Variants in TTN observed in about 807,000 individuals in gnomAD.
The protein encoded by TTN is connectin.
Under a neutral mutation model 3,223.0 loss-of-function variants are expected in TTN, and 1,525 were observed. That is an observed-to-expected ratio of 0.47 (90% CI 0.45 to 0.49). The LOEUF (loss-of-function observed/expected upper bound fraction) is 0.49, where lower values mean the gene tolerates loss of function less well. Ranked by LOEUF, TTN falls within the 20% of genes least tolerant of loss-of-function variation. The pLI, the probability that TTN is intolerant of heterozygous loss-of-function variation, is 0.00. For synonymous variants in TTN, 14,094 were observed against 15,161.0 expected (o/e 0.93, Z 5.17); for missense variants, 40,786 against 43,424.0 (o/e 0.94, Z 5.40).
Position 178,720,487 on chromosome 2 carries a change from G to T in TTN, c.23275C>A (p.Leu7759Ile). The change falls in exon 80 of 363, where the codon CTT (leucine) becomes ATT (isoleucine). Residue 7759 changes from leucine to isoleucine, a missense_variant. Transcript: ENST00000589042. ...GAGGCTTCAAGATTAAGGATATGAA[G>T]ACTTGTATCAAAATGTTTTGAAGTG... Reference protein sequence around the residue: ...KITSKHFDTSLHILNLEASDV... With the variant: ...KITSKHFDTSIHILNLEASDV... 3 of 1,613,680 alleles carry T rather than the reference G, an allele frequency of 1.9e-6. No individual in the cohort carries two copies. The highest frequency in any genetic ancestry group is 1.1e-5 in the South Asian group (1 of 91,070).
rs727503577 is a variant in TTN, at chr2:178,580,183, T to G, written c.67104A>C (p.Lys22368Asn). The change falls in exon 318 of 363, where the codon AAA (lysine) becomes AAC (asparagine). Residue 22368 changes from lysine (K) to asparagine (N), a missense_variant. Lys to Asn is a moderately conservative substitution (Grantham distance 94, BLOSUM62 0). Coordinates refer to ENST00000589042, the MANE Select transcript of TTN (RefSeq NM_001267550.2). ...PVNVTVKEIS[K>N]DSAYVTWEPP... is the part of the protein sequence containing the mutation. ...GCTCCCAGGTAACATAAGCAGAGTC[T>G]TTGGATATTTCCTTAACAGTCACAT... 3.4e-5 allele frequency: 55 copies of G among 1,613,072 alleles called. No homozygotes were observed. The highest frequency in any genetic ancestry group is 1.6e-4 in the Middle Eastern group (1 of 6,068).
In TTN at chr2:178,614,288, A is replaced by G; in HGVS notation, c.49109T>C (p.Leu16370Pro). ...ATCATCGCGTGGTGGGTTCCATGTTAGAAGACATGACTCATTGGTTACATC... is the reference window on the plus strand; with the variant it reads ...ATCATCGCGTGGTGGGTTCCATGTTGGAAGACATGACTCATTGGTTACATC... The part of the protein sequence containing the change: ...ITDVTNESCL[L>P]TWNPPRDDGG... The change falls in exon 262 of 363, where the codon CTA becomes CCA. Residue 16370 changes from leucine to proline, a missense_variant. Leu to Pro is a moderately conservative substitution (Grantham distance 98). Transcript: ENST00000589042. 6.2e-7 allele frequency: 1 copy of G among 1,612,766 alleles called. No homozygotes were observed. The highest frequency in any genetic ancestry group is 2.2e-5 in the East Asian group (1 of 44,648).
chr2:178,561,356 G>C lies in TTN; in HGVS notation c.84776C>G (p.Pro28259Arg). 1.2e-6 allele frequency: 2 copies of C among 1,613,794 alleles called. No homozygotes were observed. Among genetic ancestry groups the C allele is most frequent in the Non-Finnish European group, 1.7e-6 (2 of 1,179,794 alleles). ...TTTTCTTGTGATATTTGTGACTTCA[G>C]GTTGTCCAGGAGGGTCACAAGGATC... Reference protein sequence around the residue: ...ARDPCDPPGQPEVTNITRKSV... With the variant: ...ARDPCDPPGQREVTNITRKSV... The change falls in exon 326 of 363, where the codon CCT becomes CGT. Residue 28259 changes from proline to arginine, a missense_variant. Coordinates refer to ENST00000589042, the MANE Select transcript of TTN (RefSeq NM_001267550.2).
intron 41 of TTN, among the ~76,000 whole-genome samples, chr2:178,766,031 T>TA (rs2090336162): frequency 1.3e-5 from 2 of 152,134 alleles, no homozygotes; most frequent in African/African-American, 4.8e-5. Context: ...GTAGTGCTGC[T>TA]AGGACTTGAG....
intron 265 of TTN, 55 bp from the exon 266 acceptor site, chr2:178,612,631 A>T (rs2056551702): frequency 6.4e-7 from 1 of 1,558,888 alleles, no homozygotes; most frequent in Non-Finnish European, 8.6e-7. Flanking sequence ...CCCAATAGTC[A>T]GTCTGAAAGT....
chr2:178,721,453 G>T (rs886814056), intron 78 of TTN, among the ~76,000 whole-genome samples: 11 of 151,286 alleles, frequency 7.3e-5, no homozygotes, highest in East Asian at 1.9e-4. Context: ...TTTTAATAGA[G>T]AATTTAGTTG....
In TTN at chr2:178,677,233, G is replaced by A; in HGVS notation, c.34346C>T (p.Pro11449Leu). Residue 11449 changes from proline (P) to leucine (L), a missense_variant, in exon 147 of 363, where the codon CCT becomes CTT. By Grantham distance (98) the Pro-to-Leu change is moderately conservative. Transcript: ENST00000589042. ...TGGTGGTGGAGGTTCCACTTTTTTA[G>A]GGGCGGGAACAGGGACTTTCTTCTC... ...VPEKKVPVPA[P>L]KKVEPPPPPK... The A allele has an allele frequency of 8.2e-7, 1 of 1,223,356 alleles. No homozygotes were observed. The highest frequency in any genetic ancestry group is 1.0e-6 in the Non-Finnish European group (1 of 983,074). The allele number at this position is 1,223,356 out of a possible 1,614,324, so 75.8% of individuals were successfully genotyped here. A position where few individuals can be genotyped will look rare whatever the true frequency, so the allele number is the denominator to read the frequency against.
At chr2:178,716,327 T>C (rs1263555055) in intron 88 of TTN, among the ~76,000 whole-genome samples, 4 of 152,150 alleles carry the variant, frequency 2.6e-5, no homozygotes, top group African/African-American at 9.7e-5. Flanking sequence ...GTGAGAGTAA[T>C]GATTTCCTCA....
intron 361 of TTN, 184 bp from the exon 362 acceptor site, chr2:178,527,932 CA>C: frequency 1.7e-6 from 1 of 574,170 alleles, no homozygotes. Flanking sequence ...TCAATGTCTC[CA>C]AAACATGAAT....
rs1303608409 is a variant in TTN at position 178,739,328 on chromosome 2, C to A, written c.13905G>T (p.Val4635=). 6.2e-7 allele frequency: 1 copy of A among 1,613,720 alleles called. No individual in the cohort carries two copies. The highest frequency in any genetic ancestry group is 1.7e-5 in the Admixed American group (1 of 59,992). Residue 4635 remains valine, a synonymous_variant, in exon 48 of 363, where the codon GTG becomes GTT. Transcript: ENST00000589042. Reference sequence around the variant, plus strand: ...CCAGTTTATTCTCAAAATACCAATTCACCTCTTTAGCATTTGTTATGGATG... The same window carrying A: ...CCAGTTTATTCTCAAAATACCAATTAACCTCTTTAGCATTTGTTATGGATG... ...LTTSITNAKE[V]NWYFENKLVP...
chr2:178,652,555 A>G lies in TTN; in HGVS notation c.39044-14T>C, dbSNP rs1177294449. The G allele has an allele frequency of 6.2e-7, 1 of 1,612,978 alleles. No individual in the cohort carries two copies. Among genetic ancestry groups the G allele is most frequent in the Non-Finnish European group, 8.5e-7 (1 of 1,179,526 alleles). On this transcript the variant is annotated splice_polypyrimidine_tract_variant and intron_variant, in intron 201 of 362. Transcript: ENST00000589042. ...GAGCCTCTGGCACTTAAAAGATATT[A>G]GTGAAATTACATTTAGAAGTTATGA...
In TTN at chr2:178,529,023, G is replaced by T; in HGVS notation, c.106728C>A (p.Val35576=). 3 of 1,613,900 alleles carry T rather than the reference G, an allele frequency of 1.9e-6. No individual in the cohort carries two copies. Among genetic ancestry groups the T allele is most frequent in the Non-Finnish European group, 2.5e-6 (3 of 1,179,852 alleles). The change falls in exon 360 of 363, where the codon GTC becomes GTA. Residue 35576 remains valine, a synonymous_variant. Coordinates refer to ENST00000589042, the MANE Select transcript of TTN (RefSeq NM_001267550.2). Reference sequence around the variant, plus strand: ...CCAGGGAGGTTGCTGCTGATTTCTTGACTTCTTCAGAAATCAGAACCTTTG... The same window carrying T: ...CCAGGGAGGTTGCTGCTGATTTCTTTACTTCTTCAGAAATCAGAACCTTTG... ...EASKVLISEE[V]KKSAATSLEK... is the part of the protein sequence containing the mutation.
rs1329307539 is a variant in TTN at position 178,563,854 on chromosome 2, G to T, written c.82278C>A (p.Ala27426=). The change falls in exon 326 of 363, where the codon GCC becomes GCA. Residue 27426 remains alanine, a synonymous_variant. Coordinates refer to ENST00000589042, the MANE Select transcript of TTN (RefSeq NM_001267550.2). This position sits in a 1 kb window ranked among gnomAD's most constrained non-coding sequence, Gnocchi z 4.5. ...SWTQVSTEVQ[A]LNYKVTKLLP... ...GAAGTTTAGTAACTTTGTAGTTAAG[G>T]GCCTGTACCTCAGTTGAAACCTGGG... 4.3e-6 allele frequency: 7 copies of T among 1,613,532 alleles called. No individual in the cohort carries two copies. The highest frequency in any genetic ancestry group is 5.9e-6 in the Non-Finnish European group (7 of 1,179,734).
intron 254 of TTN, 36 bp from the exon 255 acceptor site, chr2:178,617,270 ACAGTT>A (rs1459827800): frequency 5.2e-6 from 8 of 1,541,264 alleles, no homozygotes; most frequent in Admixed American, 2.1e-5. Context: ...AAAAACACAT[ACAGTT>A]ATGTCCATGA....
rs935944166 is a variant in TTN, at chr2:178,776,625, C to T, written c.5239G>A (p.Ala1747Thr). Residue 1747 changes from alanine (A) to threonine (T), a missense_variant, in exon 28 of 363, where the codon GCA (alanine) becomes ACA (threonine). Transcript: ENST00000589042. ...TTGATCATACGGAGCCTGTTGGCTG[C>T]TTCAAGTGGCTTTCCATCATGGAGC... is the stretch of plus-strand genomic sequence containing the variant. Reference protein sequence around the residue: ...EWLHDGKPLEAANRLRMINEF... With the variant: ...EWLHDGKPLETANRLRMINEF... The T allele has an allele frequency of 4.3e-6, 7 of 1,613,986 alleles. No homozygotes were observed. The highest frequency in any genetic ancestry group is 5.1e-6 in the Non-Finnish European group (6 of 1,180,022).
intron 159 of TTN, among the ~76,000 whole-genome samples, chr2:178,668,103 T>C (rs945971812): frequency 4.6e-5 from 7 of 152,182 alleles, no homozygotes; most frequent in African/African-American, 1.7e-4. Flanking sequence ...CTACTAGAAA[T>C]TCATGTAAGT....
At chr2:178,617,573 T>C in intron 253 of TTN, 61 bp from the exon 254 acceptor site, 1 of 1,482,470 alleles carries the variant, frequency 6.7e-7, no homozygotes, top group Non-Finnish European at 9.0e-7. Context: ...ATGAAAACAG[T>C]GTTGTAATCA....
At position 178,587,395 on chromosome 2, in the gene TTN, A is replaced by T; in HGVS notation, c.63816T>A (p.Asp21272Glu). 6.2e-7 allele frequency: 1 copy of T among 1,610,630 alleles called. No homozygotes were observed. The stretch of plus-strand genomic sequence containing the variant: ...TTTTAGTGACATCTGAAACTTTTAA[A>T]TCAGACACAGGCCCAGGAGTGTCTG... ...RVLDTPGPVS[D>E]LKVSDVTKTS... Residue 21272 changes from aspartate (D) to glutamate (E), a missense_variant, in exon 307 of 363, where the codon GAT (aspartate) becomes GAA (glutamate). Transcript: ENST00000589042.
chr2:178,678,235 A>G, intron 144 of TTN, 27 bp from the exon 145 acceptor site: 1 of 1,578,968 alleles, frequency 6.3e-7, no homozygotes, highest in Non-Finnish European at 8.6e-7. Context: ...TATATTTAGG[A>G]ATATGTTCTT....
Sources: allele counts gnomAD v4.1 joint callset (sites outside exome capture counted in the v4.1 genomes callset), GRCh38; gene constraint gnomAD v4.1.1; non-coding constraint Gnocchi (gnomAD v3.1); transcripts MANE v1.5; gene names NCBI Gene and HGNC (gene_info 2026-07-23, HGNC 2026-07-21).